Variants in RANBP2 observed in about 807,000 individuals in gnomAD.
RANBP2 encodes RAN binding protein 2.
RANBP2 carries 57 observed loss-of-function variants against 303.6 expected under a neutral mutation model. The observed-to-expected ratio is 0.19, with a 90% CI of 0.15 to 0.23. RANBP2 has a LOEUF of 0.23. RANBP2 is among the 10% of genes least tolerant of loss of function. The pLI is 1.00. For missense variants in RANBP2, 3,138 were observed against 3,780.8 expected (o/e 0.83, Z 4.46); for synonymous variants, 1,167 against 1,301.5 (o/e 0.90, Z 2.23).
chr2:109,441,652 T>G, the RANBP2 span, among the ~76,000 whole-genome samples: 9 of 152,156 alleles, frequency 5.9e-5, no homozygotes, highest in Admixed American at 5.9e-4. Context: ...ATGACCAAAA[T>G]TGTTCCAAAT....
chr2:109,335,748 G>A, the RANBP2 span, among the ~76,000 whole-genome samples: 4 of 152,138 alleles, frequency 2.6e-5, no homozygotes, highest in African/African-American at 7.2e-5. Flanking sequence ...CACAAGTAAC[G>A]GGCACTCATT....
At chr2:109,614,140 A>G in the RANBP2 span, 1 of 1,200,938 alleles carries the variant, frequency 8.3e-7, no homozygotes. Flanking sequence ...GACTCCAGGA[A>G]GACGGCGCGA....
chr2:109,051,759 T>C, the RANBP2 span, among the ~76,000 whole-genome samples: 1 of 152,114 alleles, frequency 6.6e-6, no homozygotes, highest in Admixed American at 6.5e-5. Flanking sequence ...GTTCTTTTTT[T>C]TTTTTTTGAG....
the RANBP2 span, among the ~76,000 whole-genome samples, chr2:109,576,325 C>T: frequency 2.0e-5 from 3 of 151,968 alleles, no homozygotes; most frequent in Non-Finnish European, 4.4e-5. Flanking sequence ...TCTTGAACTC[C>T]TGGCCTTAAG....
chr2:109,250,222 A>G, the RANBP2 span, among the ~76,000 whole-genome samples: 1 of 151,616 alleles, frequency 6.6e-6, no homozygotes, highest in Admixed American at 6.6e-5. Context: ...ATTTGTATTT[A>G]GGGAAAGGCA....
the RANBP2 span, chr2:109,129,145 G>T: frequency 2.6e-6 from 1 of 384,600 alleles, no homozygotes; most frequent in South Asian, 1.9e-5. Flanking sequence ...CGGGGACCTG[G>T]CCGGCCGCTG....
the RANBP2 span, among the ~76,000 whole-genome samples, chr2:109,467,424 T>C: frequency 1.3e-5 from 2 of 151,936 alleles, no homozygotes; most frequent in African/African-American, 4.8e-5. Flanking sequence ...CTTTGGAAAA[T>C]GCACACCCAT....
At position 108,764,991 on chromosome 2, in the gene RANBP2, T is replaced by A. The variant is rs1677015623; in HGVS notation, c.4452T>A (p.Asp1484Glu). 6.8e-6 allele frequency: 11 copies of A among 1,613,990 alleles called. No individual in the cohort carries two copies. The East Asian group carries it at 2.5e-4, about 36-fold the overall frequency. Residue 1484 changes from aspartate to glutamate, a missense_variant, in exon 20 of 29, where the codon GAT becomes GAA. Asp to Glu is a conservative substitution (Grantham distance 45). Around this residue, in one of 20 missense-constraint regions of RANBP2, gnomAD observed 388 missense variants for 328.5 expected, o/e 1.18. Coordinates refer to ENST00000283195, the MANE Select transcript of RANBP2 (RefSeq NM_006267.5). Reference sequence around the variant, plus strand: ...TTTCTACAAAGGAAGGACAGTGGGATTGCAGTGCATGTTTGGTACAAAATG... The same window carrying A: ...TTTCTACAAAGGAAGGACAGTGGGAATGCAGTGCATGTTTGGTACAAAATG... ...SVFSTKEGQW[D>E]CSACLVQNEG... is the part of the protein sequence containing the mutation.
At chr2:108,983,697 T>C in the RANBP2 span, among the ~76,000 whole-genome samples, 3 of 152,284 alleles carry the variant, frequency 2.0e-5, no homozygotes, top group African/African-American at 7.2e-5. Context: ...AATCAAACTT[T>C]CCAGGTGCTG....
the RANBP2 span, among the ~76,000 whole-genome samples, chr2:108,831,654 G>C: frequency 6.6e-6 from 1 of 151,528 alleles, no homozygotes; most frequent in Admixed American, 6.6e-5. Flanking sequence ...AGGTTCCTAG[G>C]TTCTATCCCT....
the RANBP2 span, among the ~76,000 whole-genome samples, chr2:109,686,315 A>C: frequency 6.6e-6 from 1 of 152,002 alleles, no homozygotes; most frequent in Non-Finnish European, 1.5e-5. Flanking sequence ...AATTGGTTTT[A>C]GTACTTTTTT....
the RANBP2 span, among the ~76,000 whole-genome samples, chr2:109,730,431 C>T: frequency 5.3e-5 from 8 of 152,304 alleles, no homozygotes; most frequent in East Asian, 1.5e-3. Flanking sequence ...TTCAGCCCTT[C>T]CTCCAGTGTC....
chr2:108,740,387 G>A, intron 6 of RANBP2, 102 bp from the exon 7 acceptor site: 2 of 1,539,600 alleles, frequency 1.3e-6, no homozygotes, highest in South Asian at 2.3e-5. Flanking sequence ...TGTGGAAGAT[G>A]AAGCTTGAAA....
chr2:109,369,223 C>CTGTA, the RANBP2 span, among the ~76,000 whole-genome samples: 3,930 of 151,990 alleles, frequency 0.026, 166 homozygotes, highest in African/African-American at 0.09. Context: ...TGGTGAGCAC[C>CTGTA]TGTAGTCCCA....
the RANBP2 span, among the ~76,000 whole-genome samples, chr2:108,933,793 C>A: frequency 2.6e-5 from 4 of 151,862 alleles, no homozygotes; most frequent in Non-Finnish European, 5.9e-5. Flanking sequence ...GAGGCAAGGG[C>A]GACCTGCAGC....
the RANBP2 span, among the ~76,000 whole-genome samples, chr2:109,611,617 G>A: frequency 2.6e-5 from 4 of 151,740 alleles, no homozygotes; most frequent in African/African-American, 4.8e-5. Flanking sequence ...AAATTTAGCC[G>A]GCTGTGGTGG....
chr2:109,516,181 G>C, the RANBP2 span, among the ~76,000 whole-genome samples: 1 of 152,156 alleles, frequency 6.6e-6, no homozygotes, highest in Non-Finnish European at 1.5e-5. Context: ...AGCCCACCAG[G>C]CCTCCTGGCA....
At chr2:109,357,660 TCA>T in the RANBP2 span, among the ~76,000 whole-genome samples, 1 of 152,224 alleles carries the variant, frequency 6.6e-6, no homozygotes. Context: ...TTGTTTTCTC[TCA>T]GTTTTATATT....
chr2:109,459,562 C>G, the RANBP2 span, among the ~76,000 whole-genome samples: 2 of 152,104 alleles, frequency 1.3e-5, no homozygotes, highest in Non-Finnish European at 2.9e-5. Flanking sequence ...CTCCTGTATC[C>G]CAGACATGCT....
Sources: gnomAD v4.1 joint callset for allele counts (sites outside exome capture counted in the v4.1 genomes callset) on GRCh38, gnomAD v4.1.1 for gene constraint, gnomAD v4.1.1 regional missense constraint, MANE v1.5 for transcripts, NCBI Gene and HGNC (gene_info 2026-07-23, HGNC 2026-07-21) for gene names.